COL23A1: variants seen among roughly 807,000 people sequenced by gnomAD.
The protein encoded by COL23A1 is collagen type XXIII alpha 1 chain, also known as collagen alpha-1(XXIII) chain.
Under a neutral mutation model 99.3 loss-of-function variants are expected in COL23A1, and 97 were observed. That is an observed-to-expected ratio of 0.98 (90% CI 0.83 to 1.16). The LOEUF is 1.16. Ranked by LOEUF, COL23A1 falls within the 50% of genes most tolerant of loss-of-function variation. The probability of loss-of-function intolerance (pLI) is 0.00; values close to 1 mark genes in which losing one functional copy is unlikely to be tolerated. For missense variants in COL23A1, 762 were observed against 757.4 expected, an observed-to-expected ratio of 1.01 and a Z score of -0.07; for synonymous variants, 320 against 308.2, an observed-to-expected ratio of 1.04 and a Z score of -0.40.
chr5:178,256,710 C>A lies in COL23A1; in HGVS notation c.837+156G>T, dbSNP rs544046419. Among the ~76,000 whole-genome samples the A allele has an allele frequency of 3.9e-5, 6 of 152,350 alleles. No individual in the cohort carries two copies. The East Asian group carries it at 9.7e-4, about 25-fold the overall frequency. On this transcript the variant is annotated intron_variant, in intron 14 of 28. Coordinates refer to ENST00000390654, the MANE Select transcript of COL23A1 (RefSeq NM_173465.4). ...CACCCAGATTCACCACCGCTGCCCC[C>A]ACACCAGCTTCTGAGAGTGCTGAGG... is the stretch of plus-strand genomic sequence containing the variant.
chr5:178,402,757 T>C, intron 2 of COL23A1, among the ~76,000 whole-genome samples: 1 of 151,992 alleles, frequency 6.6e-6, no homozygotes. Context: ...TTTAAGGTGA[T>C]GGATAAACCC....
At position 178,329,397 on chromosome 5, in the gene COL23A1, G is replaced by A. The variant is rs189988846; in HGVS notation, c.362-22478C>T. 1.4e-3 allele frequency among the ~76,000 whole-genome samples: 220 copies of A among 152,142 alleles called. 2 individuals are homozygous for A. Among genetic ancestry groups the A allele is most frequent in the Middle Eastern group, 3.4e-3 (1 of 294 alleles). On this transcript the variant is annotated intron_variant, in intron 2 of 28. Transcript: ENST00000390654. ...GCCTCAAGTCTGTCAGCCAGCCCTA[G>A]ACTCTCCACAAGCCAGGCCCCAGGC... is the stretch of plus-strand genomic sequence containing the variant.
At chr5:178,546,301 C>A (rs1013366552) in intron 2 of COL23A1, among the ~76,000 whole-genome samples, 6 of 152,208 alleles carry the variant, frequency 3.9e-5, no homozygotes, top group African/African-American at 1.4e-4. Context: ...TCCGGAACCA[C>A]CCTGCACCCC....
chr5:178,412,678 T>C (rs1765112212), intron 2 of COL23A1, among the ~76,000 whole-genome samples: 1 of 152,214 alleles, frequency 6.6e-6, no homozygotes, highest in African/African-American at 2.4e-5. Context: ...TGATATGACA[T>C]TTTTAACATT....
chr5:178,329,791 G>A (rs1320406372), intron 2 of COL23A1, among the ~76,000 whole-genome samples: 2 of 152,170 alleles, frequency 1.3e-5, no homozygotes, highest in African/African-American at 4.8e-5. Context: ...ACAAAAATTA[G>A]CCAGGCGTGC....
chr5:178,358,232 ATGTGTGTATGTGTATG>A (rs1761880480), intron 2 of COL23A1, among the ~76,000 whole-genome samples: 1 of 77,534 alleles, frequency 1.3e-5, no homozygotes, highest in Non-Finnish European at 2.7e-5. Context: ...TAATGTGTGT[ATGTGTGTATGTGTATG>A]TGTGTGTATG....
intron 5 of COL23A1, among the ~76,000 whole-genome samples, chr5:178,285,902 G>A (rs1757123909): frequency 6.6e-6 from 1 of 152,266 alleles, no homozygotes; most frequent in African/African-American, 2.4e-5. Context: ...GCCTGCGAAA[G>A]GTCCTCCCCT....
intron 2 of COL23A1, among the ~76,000 whole-genome samples, chr5:178,355,595 C>T (rs11950008): frequency 0.27 from 40,423 of 151,984 alleles, 5,457 homozygotes; most frequent in Middle Eastern, 0.34. Context: ...TGCAGTGGTG[C>T]GATCTCGGCT....
At chr5:178,323,597 G>A (rs1759469483) in intron 2 of COL23A1, among the ~76,000 whole-genome samples, 1 of 152,130 alleles carries the variant, frequency 6.6e-6, no homozygotes, top group African/African-American at 2.4e-5. Flanking sequence ...GCTGGGAGTG[G>A]CAGCCCCATC....
In COL23A1 at chr5:178,308,025, G is replaced by C. The variant is rs1469985545; in HGVS notation, c.362-1106C>G. On this transcript the variant is annotated intron_variant, in intron 2 of 28. Coordinates refer to ENST00000390654, the MANE Select transcript of COL23A1 (RefSeq NM_173465.4). The surrounding 1 kb of genome is among the most constrained non-coding windows in gnomAD (Gnocchi z 5.1). ...TGTGGGTGTCTGTGTGTGTCTGTTT[G>C]CATGTGTCTGTGTGTGTCTCTATGT... Among the ~76,000 whole-genome samples the C allele has an allele frequency of 1.3e-5, 2 of 148,810 alleles. No individual in the cohort carries two copies. The highest frequency in any genetic ancestry group is 2.1e-4 in the South Asian group (1 of 4,820).
chr5:178,493,082 G>A (rs754859477), intron 2 of COL23A1, among the ~76,000 whole-genome samples: 11 of 152,196 alleles, frequency 7.2e-5, no homozygotes, highest in Non-Finnish European at 1.5e-4. Flanking sequence ...TGAGCACAGG[G>A]ACTCTGACTA....
rs148655887 is a variant in COL23A1 at position 178,492,857 on chromosome 5, C to T, written c.361+67825G>A. On this transcript the variant is annotated intron_variant, in intron 2 of 28. Coordinates refer to ENST00000390654, the MANE Select transcript of COL23A1 (RefSeq NM_173465.4). ...AGCTCCATAGTTTCTAATCCCAGGA[C>T]GCTGGTTAAGTGGCTGAACTTCTCT... 2.7e-4 allele frequency among the ~76,000 whole-genome samples: 41 copies of T among 152,138 alleles called. 2 individuals are homozygous for T. The East Asian group carries it at 4.6e-3, about 17-fold the overall frequency.
intron 2 of COL23A1, among the ~76,000 whole-genome samples, chr5:178,345,888 A>G (rs1318230199): frequency 1.3e-5 from 2 of 152,124 alleles, no homozygotes; most frequent in Non-Finnish European, 2.9e-5. Context: ...TTGGGAGGAC[A>G]TGGTCATTCA....
intron 2 of COL23A1, among the ~76,000 whole-genome samples, chr5:178,326,913 T>C (rs1346290924): frequency 6.6e-6 from 1 of 152,114 alleles, no homozygotes; most frequent in South Asian, 2.1e-4. Context: ...AGAGACGGGG[T>C]TTCACCATGC....
intron 2 of COL23A1, among the ~76,000 whole-genome samples, chr5:178,337,596 G>T (rs1043491623): frequency 1.6e-4 from 24 of 152,268 alleles, no homozygotes; most frequent in African/African-American, 4.3e-4. Flanking sequence ...TGCTCTGGGG[G>T]TAGGTGGGCT....
At chr5:178,422,391 C>G (rs1765681238) in intron 2 of COL23A1, among the ~76,000 whole-genome samples, 1 of 152,188 alleles carries the variant, frequency 6.6e-6, no homozygotes, top group Non-Finnish European at 1.5e-5. Flanking sequence ...TCAGCCTTGA[C>G]AGTAACAGAG....
chr5:178,374,194 C>T (rs1334460809), intron 2 of COL23A1, among the ~76,000 whole-genome samples: 1 of 152,162 alleles, frequency 6.6e-6, no homozygotes, highest in Non-Finnish European at 1.5e-5. Flanking sequence ...GCAGCAAGGG[C>T]ATGGCTGATG....
At chr5:178,359,522 T>C (rs1329589673) in intron 2 of COL23A1, among the ~76,000 whole-genome samples, 1 of 152,090 alleles carries the variant, frequency 6.6e-6, no homozygotes, top group Non-Finnish European at 1.5e-5. Flanking sequence ...AGCGAAACTC[T>C]TGTCTCAAAA....
At chr5:178,279,235 G>C (rs1384192693) in intron 5 of COL23A1, among the ~76,000 whole-genome samples, 2 of 152,156 alleles carry the variant, frequency 1.3e-5, no homozygotes, top group Non-Finnish European at 2.9e-5. Flanking sequence ...CCAGACTCAC[G>C]TGTCACCTCT....
Sources: gnomAD v4.1 joint callset for allele counts (sites outside exome capture counted in the v4.1 genomes callset) on GRCh38, gnomAD v4.1.1 for gene constraint, Gnocchi (gnomAD v3.1) non-coding constraint, MANE v1.5 for transcripts, NCBI Gene and HGNC (gene_info 2026-07-23, HGNC 2026-07-21) for gene names.